The following DOCK4 variants were observed in gnomAD, a reference collection of about 807,000 sequenced individuals.
DOCK4 encodes dedicator of cytokinesis 4.
Under a neutral mutation model 268.1 loss-of-function variants are expected in DOCK4, and 97 were observed. That is an observed-to-expected ratio of 0.36 (90% CI 0.31 to 0.43). DOCK4 has a LOEUF of 0.43. Ranked by LOEUF, DOCK4 falls within the 20% of genes least tolerant of loss-of-function variation. The pLI, the probability that DOCK4 is intolerant of heterozygous loss-of-function variation, is 1.00. For synonymous variants in DOCK4, 954 were observed against 887.2 expected (o/e 1.08, Z -1.34); for missense variants, 2,145 against 2,455.7 (o/e 0.87, Z 2.67).
At chr7:111,767,197 C>G in intron 37 of DOCK4, 79 bp from the exon 38 acceptor site, 2 of 1,075,868 alleles carry the variant, frequency 1.9e-6, no homozygotes, top group Non-Finnish European at 1.4e-6. Context: ...AACATGAGTG[C>G]TTTCAGAGCA....
intron 47 of DOCK4, chr7:111,740,123 A>G (rs1795802302): frequency 2.2e-6 from 1 of 444,604 alleles, no homozygotes; most frequent in Non-Finnish European, 4.5e-6. Flanking sequence ...TCTTTGAGAC[A>G]CAGTCTCGCT....
chr7:112,025,289 A>C (rs890544046), intron 1 of DOCK4, among the ~76,000 whole-genome samples: 6 of 152,150 alleles, frequency 3.9e-5, no homozygotes, highest in Non-Finnish European at 8.8e-5. Context: ...GCTTCCAATT[A>C]GGCTCTATGC....
rs765807784 is a variant in DOCK4 at position 111,728,501 on chromosome 7, G to A, written c.5701C>T (p.Pro1901Ser). Reference protein sequence around the residue: ...VPVPSYGGEEPVRKESKTPPP... With the variant: ...VPVPSYGGEESVRKESKTPPP... ...GGAGTCTTGCTCTCCTTGCGCACTG[G>A]CTCCTCCCCGCCGTAGCTCGGCACG... Residue 1901 changes from proline (P) to serine (S), a missense_variant, in exon 53 of 53, where the codon CCA becomes TCA. Pro to Ser is a moderately conservative substitution (Grantham distance 74, BLOSUM62 -1). Coordinates refer to ENST00000428084, the MANE Select transcript of DOCK4 (RefSeq NM_001363540.2). 2.5e-6 allele frequency: 4 copies of A among 1,612,946 alleles called. No homozygotes were observed. The highest frequency in any genetic ancestry group is 1.1e-5 in the South Asian group (1 of 91,048).
intron 8 of DOCK4, among the ~76,000 whole-genome samples, chr7:111,955,205 C>A (rs749909880): frequency 2.4e-4 from 37 of 152,102 alleles, no homozygotes; most frequent in Middle Eastern, 3.2e-3. Context: ...AGCAAGTCTT[C>A]CTAGATAAGA....
chr7:111,920,767 T>C (rs1230660559), intron 12 of DOCK4, among the ~76,000 whole-genome samples: 2 of 151,846 alleles, frequency 1.3e-5, no homozygotes, highest in Non-Finnish European at 2.9e-5. Context: ...ATCTAACAAT[T>C]AAAATAAGAA....
intron 1 of DOCK4, among the ~76,000 whole-genome samples, chr7:112,174,866 G>GT (rs985960141): frequency 6.8e-6 from 1 of 147,496 alleles, no homozygotes. Context: ...TTTTTGGTTT[G>GT]TTTTTTTGTT....
chr7:112,092,572 C>T (rs1809734756), intron 1 of DOCK4, among the ~76,000 whole-genome samples: 1 of 152,110 alleles, frequency 6.6e-6, no homozygotes, highest in Non-Finnish European at 1.5e-5. Context: ...CACATGAGAA[C>T]TCTGGGCCTG....
intron 25 of DOCK4, 84 bp from the exon 26 acceptor site, chr7:111,834,770 A>C (rs1803107108): frequency 1.1e-6 from 1 of 873,470 alleles, no homozygotes; most frequent in Non-Finnish European, 1.7e-6. Context: ...AACTGTCCTC[A>C]AAGAGAATAG....
chr7:112,191,303 C>T (rs977851277), intron 1 of DOCK4, among the ~76,000 whole-genome samples: 3 of 152,142 alleles, frequency 2.0e-5, no homozygotes, highest in Non-Finnish European at 4.4e-5. Context: ...TCCATCCTCA[C>T]TCAAAGACGC....
intron 1 of DOCK4, among the ~76,000 whole-genome samples, chr7:112,060,565 AC>A (rs1290351526): frequency 6.6e-6 from 1 of 152,184 alleles, no homozygotes; most frequent in African/African-American, 2.4e-5. Flanking sequence ...TGGAGATGCA[AC>A]CCAAGTGTCC....
intron 8 of DOCK4, 120 bp from the exon 9 acceptor site, chr7:111,945,918 A>T: frequency 2.9e-6 from 2 of 696,800 alleles, no homozygotes; most frequent in Non-Finnish European, 4.7e-6. Flanking sequence ...TTTAACATCA[A>T]CATTGCTTAT....
intron 1 of DOCK4, among the ~76,000 whole-genome samples, chr7:112,057,887 GAT>G (rs1805981568): frequency 6.6e-6 from 1 of 151,708 alleles, no homozygotes; most frequent in African/African-American, 2.4e-5. Flanking sequence ...AAAATTAAAT[GAT>G]AGTTTATTTT....
chr7:111,878,945 A>G (rs1487045529), intron 16 of DOCK4, among the ~76,000 whole-genome samples: 1 of 152,034 alleles, frequency 6.6e-6, no homozygotes, highest in Non-Finnish European at 1.5e-5. Context: ...CTGGGCTTAG[A>G]GTCCATGGAC....
chr7:111,969,603 A>C (rs568259189), intron 8 of DOCK4, among the ~76,000 whole-genome samples: 1 of 151,826 alleles, frequency 6.6e-6, no homozygotes, highest in Non-Finnish European at 1.5e-5. Context: ...TCTCAGGTGA[A>C]TAGGTTCTGG....
intron 1 of DOCK4, among the ~76,000 whole-genome samples, chr7:112,011,044 C>T (rs1801253075): frequency 2.0e-5 from 3 of 152,090 alleles, no homozygotes; most frequent in Admixed American, 2.0e-4. Flanking sequence ...ACCCTAGCAC[C>T]CTTCTGGGAT....
At chr7:111,850,874 C>A (rs1804489243) in intron 23 of DOCK4, among the ~76,000 whole-genome samples, 1 of 152,176 alleles carries the variant, frequency 6.6e-6, no homozygotes, top group Admixed American at 6.5e-5. Flanking sequence ...GATTAAAAAG[C>A]TTTATTGCTC....
chr7:111,855,181 G>A (rs1417863105), intron 23 of DOCK4, among the ~76,000 whole-genome samples: 3 of 152,186 alleles, frequency 2.0e-5, no homozygotes, highest in African/African-American at 7.2e-5. Flanking sequence ...GAACTGGGAT[G>A]TGAGTAGGAG....
chr7:111,805,408 T>G (rs1335547334), intron 30 of DOCK4, among the ~76,000 whole-genome samples: 1 of 152,228 alleles, frequency 6.6e-6, no homozygotes, highest in African/African-American at 2.4e-5. Flanking sequence ...AAATAATCAT[T>G]ATAAAAGCAC....
intron 16 of DOCK4, among the ~76,000 whole-genome samples, chr7:111,893,786 G>C (rs901181457): frequency 6.6e-6 from 1 of 152,186 alleles, no homozygotes; most frequent in African/African-American, 2.4e-5. Context: ...AGAAGGATTT[G>C]GCTGTTTTGT....
Sources: allele counts gnomAD v4.1 joint callset (sites outside exome capture counted in the v4.1 genomes callset), GRCh38; gene constraint gnomAD v4.1.1; transcripts MANE v1.5; gene names NCBI Gene and HGNC (gene_info 2026-07-23, HGNC 2026-07-21).